SCGB2B2: variants seen among roughly 807,000 people sequenced by gnomAD.
The protein encoded by SCGB2B2 is secretoglobin-like protein.
SCGB2B2 carries 11 observed loss-of-function variants against 7.6 expected under a neutral mutation model. The observed-to-expected ratio is 1.45, with a 90% CI of 0.91 to 2.40. The LOEUF is 2.40. SCGB2B2 is among the 30% of genes most tolerant of loss of function. The pLI, the probability that SCGB2B2 is intolerant of heterozygous loss-of-function variation, is 0.00. For missense variants in SCGB2B2, 104 were observed against 115.4 expected (o/e 0.90, Z 0.45); for synonymous variants, 50 against 48.6 (o/e 1.03, Z -0.12).
At chr19:34,606,517 C>CTT (rs36092902) in intron 1 of SCGB2B2, among the ~76,000 whole-genome samples, 23 of 143,050 alleles carry the variant, frequency 1.6e-4, no homozygotes, top group East Asian at 6.2e-4. Context: ...TTTTCTTTTT[C>CTT]TTTTTTTTTT....
intron 1 of SCGB2B2, among the ~76,000 whole-genome samples, chr19:34,612,625 T>C (rs1004399430): frequency 2.6e-5 from 4 of 152,220 alleles, no homozygotes; most frequent in African/African-American, 9.6e-5. Flanking sequence ...GAATTTATAT[T>C]TTACAGTTGT....
chr19:34,644,558 C>A (rs2066941705), intron 1 of SCGB2B2, among the ~76,000 whole-genome samples: 1 of 152,086 alleles, frequency 6.6e-6, no homozygotes, highest in South Asian at 2.1e-4. Flanking sequence ...CTCTGCCCTG[C>A]CCCCTTGTAA....
chr19:34,658,801 C>T (rs2067358054), intron 1 of SCGB2B2, among the ~76,000 whole-genome samples: 1 of 36,372 alleles, frequency 2.7e-5, no homozygotes, highest in African/African-American at 6.7e-5. Context: ...ACAACAACAA[C>T]AACAACAACA....
intron 1 of SCGB2B2, chr19:34,634,864 G>T (rs2066632579): frequency 3.6e-6 from 1 of 277,408 alleles, no homozygotes; most frequent in Admixed American, 3.7e-5. Context: ...TCACCAGTGT[G>T]AACTCTCTGG....
intron 1 of SCGB2B2, among the ~76,000 whole-genome samples, chr19:34,669,437 A>T (rs190535693): frequency 6.6e-6 from 1 of 152,326 alleles, no homozygotes; most frequent in African/African-American, 2.4e-5. Context: ...TCGGTGGCAG[A>T]TTCTGTGCTA....
intron 2 of SCGB2B2, 43 bp downstream of exon 2, chr19:34,594,460 C>T: frequency 6.2e-7 from 1 of 1,606,646 alleles, no homozygotes; most frequent in Non-Finnish European, 8.5e-7. Context: ...AGTGAAGGAG[C>T]AGGGCCACCG....
chr19:34,594,659 GTGTGTGTGT>G lies in SCGB2B2; in HGVS notation c.-105_-97del. The G allele has an allele frequency of 7.0e-6, 1 of 142,440 alleles. No homozygotes were observed. Among genetic ancestry groups the G allele is most frequent in the East Asian group, 5.5e-4 (1 of 1,834 alleles). 8.8% of individuals were successfully genotyped at this position (142,440 alleles called of 1,614,324 possible). A position where few individuals can be genotyped will look rare whatever the true frequency, so the allele number is the denominator to read the frequency against. ...ACAAGGCACATGCCTCTTCGTGTGT[GTGTGTGTGT>G]GTGTGTGTGTGTGTGTGTGTGTGTG... On this transcript the variant is annotated 5_prime_UTR_variant, in exon 2 of 4. Coordinates refer to ENST00000601241, the MANE Select transcript of SCGB2B2 (RefSeq NM_001025591.4).
intron 1 of SCGB2B2, among the ~76,000 whole-genome samples, chr19:34,674,740 C>T (rs1230911374): frequency 6.6e-6 from 1 of 152,116 alleles, no homozygotes; most frequent in African/African-American, 2.4e-5. Flanking sequence ...TGCTGATTAC[C>T]AGAGATGACA....
chr19:34,597,269 C>T (rs1296176587), intron 1 of SCGB2B2, among the ~76,000 whole-genome samples: 2 of 152,162 alleles, frequency 1.3e-5, no homozygotes, highest in Non-Finnish European at 2.9e-5. Flanking sequence ...CAAGAGCCAC[C>T]ATGCCCACCT....
intron 1 of SCGB2B2, among the ~76,000 whole-genome samples, chr19:34,661,176 G>A (rs12982680): frequency 0.095 from 14,349 of 151,618 alleles, 829 homozygotes; most frequent in Middle Eastern, 0.23. Context: ...TAATGTAGGC[G>A]ATGAGTTGAT....
intron 1 of SCGB2B2, among the ~76,000 whole-genome samples, chr19:34,663,065 T>C (rs1052301619): frequency 1.3e-5 from 2 of 152,184 alleles, no homozygotes; most frequent in Non-Finnish European, 2.9e-5. Flanking sequence ...AAAATGCAAA[T>C]GGAAACCCAA....
chr19:34,589,567 G>C (rs187535217), downstream of SCGB2B2, among the ~76,000 whole-genome samples: 207 of 152,324 alleles, frequency 1.4e-3, no homozygotes, highest in African/African-American at 4.7e-3. Context: ...TGGGTGAGGG[G>C]AGATGAACAG....
rs2067937589 is a variant in SCGB2B2, at chr19:34,676,133, TTACAGAGTGC to T, written c.-2545_-2536del. On this transcript the variant is annotated 5_prime_UTR_variant, in exon 1 of 4. It removes the in-frame stop codon of an upstream open reading frame in the 5' UTR. Transcript: ENST00000601241. ...TTTACAGAGCGCTGATTGGTCTATT[TTACAGAGTGC>T]TGTTTGGTCCGTTTTTACAGAGTGC... 1 of 152,234 alleles carries T rather than the reference TTACAGAGTGC, an allele frequency of 6.6e-6. No individual in the cohort carries two copies. The highest frequency in any genetic ancestry group is 1.5e-5 in the Non-Finnish European group (1 of 68,066). 9.4% of individuals were successfully genotyped at this position (152,234 alleles called of 1,614,324 possible). A position where few individuals can be genotyped will look rare whatever the true frequency, so the allele number is the denominator to read the frequency against.
chr19:34,619,031 T>C (rs1386796585), intron 1 of SCGB2B2, among the ~76,000 whole-genome samples: 1 of 152,260 alleles, frequency 6.6e-6, no homozygotes, highest in Non-Finnish European at 1.5e-5. Flanking sequence ...AAATTTTGAA[T>C]ATATTTATTT....
intron 1 of SCGB2B2, among the ~76,000 whole-genome samples, chr19:34,639,959 G>A (rs2066795301): frequency 6.6e-6 from 1 of 151,994 alleles, no homozygotes; most frequent in Non-Finnish European, 1.5e-5. Context: ...GTGGTAGTAG[G>A]GTGCTGGTAG....
rs146621427 is a variant in SCGB2B2, at chr19:34,601,196, T to C, written c.-2031-4602A>G. ...TCTTTGTCAAAAATCAAGTGCACCA[T>C]AGAGGGCCGTAGTTTGCTTCTGAGT... On this transcript the variant is annotated intron_variant, in intron 1 of 3. Coordinates refer to ENST00000601241, the MANE Select transcript of SCGB2B2 (RefSeq NM_001025591.4). Among the ~76,000 whole-genome samples the C allele has an allele frequency of 2.4e-3, 368 of 152,356 alleles. 3 individuals are homozygous for C. Among genetic ancestry groups the C allele is most frequent in the Non-Finnish European group, 5.0e-4 (34 of 68,038 alleles).
At chr19:34,647,090 C>T (rs1396779986) in intron 1 of SCGB2B2, among the ~76,000 whole-genome samples, 3 of 151,900 alleles carry the variant, frequency 2.0e-5, no homozygotes, top group Admixed American at 2.0e-4. Context: ...AGTCACAGGC[C>T]TCAGCGTCCC....
At chr19:34,629,289 GA>G (rs1238154874) in intron 1 of SCGB2B2, among the ~76,000 whole-genome samples, 1 of 151,876 alleles carries the variant, frequency 6.6e-6, no homozygotes, top group Non-Finnish European at 1.5e-5. Flanking sequence ...GCAGAAGAAA[GA>G]AATAAAGGGT....
At chr19:34,608,730 G>C (rs1291175569) in intron 1 of SCGB2B2, 1 of 136,098 alleles carries the variant, frequency 7.3e-6, no homozygotes, top group Non-Finnish European at 1.5e-5. Context: ...CACTGAGGTT[G>C]AGTCAAATCT....
Sources: gnomAD v4.1 joint callset for allele counts (sites outside exome capture counted in the v4.1 genomes callset) on GRCh38, gnomAD v4.1.1 for gene constraint, MANE v1.5 for transcripts, NCBI Gene and HGNC (gene_info 2026-07-23, HGNC 2026-07-21) for gene names.